GSE1: variants seen among roughly 807,000 people sequenced by gnomAD.
GSE1 encodes genetic suppressor element 1.
In GSE1, 32 loss-of-function variants were observed where a neutral mutation model predicts 112.6. That is an observed-to-expected ratio of 0.28 (90% CI 0.21 to 0.38). The LOEUF is 0.38. GSE1 is among the 10% of genes least tolerant of loss of function. The pLI is 1.00. For missense variants in GSE1, 2,348 were observed against 1,699.2 expected, an observed-to-expected ratio of 1.38 and a Z score of -6.71; for synonymous variants, 1,115 against 735.6, an observed-to-expected ratio of 1.52 and a Z score of -8.35.
chr16:85,193,358 G>C (rs1245808884), intron 1 of GSE1, among the ~76,000 whole-genome samples: 1 of 151,992 alleles, frequency 6.6e-6, no homozygotes, highest in African/African-American at 2.4e-5. Flanking sequence ...TTATTTTTTT[G>C]TAGAGGCAGG....
intron 2 of GSE1, among the ~76,000 whole-genome samples, chr16:85,396,584 G>A (rs1360964856): frequency 6.6e-6 from 1 of 152,266 alleles, no homozygotes; most frequent in Non-Finnish European, 1.5e-5. Flanking sequence ...AGCCATGGAG[G>A]AGAGCAGTTG....
intron 1 of GSE1, among the ~76,000 whole-genome samples, chr16:85,187,928 C>T (rs576454441): frequency 4.6e-5 from 7 of 152,348 alleles, no homozygotes; most frequent in African/African-American, 9.6e-5. Flanking sequence ...GTGCCCCTCA[C>T]GCTCAGGATA....
intron 1 of GSE1, among the ~76,000 whole-genome samples, chr16:85,259,506 C>A (rs368346254): frequency 8.4e-4 from 128 of 152,364 alleles, no homozygotes; most frequent in African/African-American, 3.0e-3. Flanking sequence ...GAGGCCCTCA[C>A]GGCCGGCTTG....
intron 1 of GSE1, among the ~76,000 whole-genome samples, chr16:85,256,119 T>A (rs1014841343): frequency 2.0e-5 from 3 of 151,984 alleles, no homozygotes; most frequent in African/African-American, 7.3e-5. Context: ...ACAGTGCCGG[T>A]TTTTCTGGTT....
intron 2 of GSE1, among the ~76,000 whole-genome samples, chr16:85,398,166 A>G (rs1008188748): frequency 1.3e-5 from 2 of 152,200 alleles, no homozygotes; most frequent in Non-Finnish European, 2.9e-5. Flanking sequence ...CTCATCTGCA[A>G]AATGGGCGTG....
chr16:85,525,412 T>A (rs955067090), intron 2 of GSE1, among the ~76,000 whole-genome samples: 2 of 152,186 alleles, frequency 1.3e-5, no homozygotes, highest in Non-Finnish European at 2.9e-5. Context: ...CTCCCCAGCG[T>A]TGGGGAAATC....
chr16:85,282,040 T>TTC (rs1347624043), intron 1 of GSE1, among the ~76,000 whole-genome samples: 6 of 151,738 alleles, frequency 4.0e-5, no homozygotes, highest in African/African-American at 1.5e-4. Context: ...TCTTTTTTTT[T>TTC]TTTTTGAGAC....
rs1347318006 is a variant in GSE1 at position 85,178,601 on chromosome 16, C to T, written c.2283+6794C>T. Among the ~76,000 whole-genome samples the T allele has an allele frequency of 4.6e-5, 7 of 152,104 alleles. No individual in the cohort carries two copies. In the South Asian group the frequency reaches 6.2e-4, roughly 14 times the overall value. Reference sequence around the variant, plus strand: ...CTGCTGACGGACGGCATCGTGGGCACAGCTGAGGAGTCTGGGATTTATCCT... The same window carrying T: ...CTGCTGACGGACGGCATCGTGGGCATAGCTGAGGAGTCTGGGATTTATCCT... On this transcript the variant is annotated intron_variant, in intron 1 of 2. Transcript: ENST00000637419.
intron 2 of GSE1, among the ~76,000 whole-genome samples, chr16:85,522,617 C>T (rs2052225424): frequency 6.6e-6 from 1 of 152,230 alleles, no homozygotes; most frequent in African/African-American, 2.4e-5. Flanking sequence ...GAAACTGAGT[C>T]ACCTGGCGGT....
chr16:85,184,443 C>A (rs1318014326), intron 1 of GSE1, among the ~76,000 whole-genome samples: 3 of 152,206 alleles, frequency 2.0e-5, no homozygotes, highest in Non-Finnish European at 4.4e-5. Flanking sequence ...CTCAGTGATG[C>A]CTGCTAAATT....
At chr16:85,557,254 C>A (rs965349543) in intron 1 of GSE1, among the ~76,000 whole-genome samples, 1 of 152,336 alleles carries the variant, frequency 6.6e-6, no homozygotes, top group Middle Eastern at 3.4e-3. Context: ...AACGCACAGG[C>A]CTGCCCCAGG....
chr16:85,354,104 G>T (rs569737035), intron 1 of GSE1, among the ~76,000 whole-genome samples: 1 of 152,144 alleles, frequency 6.6e-6, no homozygotes, highest in Non-Finnish European at 1.5e-5. Context: ...CAGGAAGCCC[G>T]TGCGGATTTC....
intron 1 of GSE1, among the ~76,000 whole-genome samples, chr16:85,620,891 C>T (rs1166070107): frequency 1.3e-5 from 2 of 151,622 alleles, no homozygotes; most frequent in South Asian, 2.1e-4. Flanking sequence ...TAGAGGGTCT[C>T]GGCCCTGGGT....
chr16:85,464,715 C>G (rs957350295), intron 2 of GSE1, among the ~76,000 whole-genome samples: 2 of 152,238 alleles, frequency 1.3e-5, no homozygotes, highest in Non-Finnish European at 2.9e-5. Context: ...CTCTGCCACA[C>G]CAACTCCCCT....
rs1355374925 is a variant in GSE1, at chr16:85,300,347, A to G, written c.2284-57116A>G. 6.6e-5 allele frequency among the ~76,000 whole-genome samples: 10 copies of G among 152,288 alleles called. No individual in the cohort carries two copies. The South Asian group carries it at 8.3e-4, about 13-fold the overall frequency. On this transcript the variant is annotated intron_variant, in intron 1 of 2. Coordinates refer to the GSE1 transcript ENST00000637419. Reference sequence around the variant, plus strand: ...ATTTTTAAGTATACACCTCAGCGACATTGAGTACATTTGCAGTGCCGTACA... The same window carrying G: ...ATTTTTAAGTATACACCTCAGCGACGTTGAGTACATTTGCAGTGCCGTACA...
intron 1 of GSE1, among the ~76,000 whole-genome samples, chr16:85,173,204 C>T (rs574730723): frequency 6.6e-5 from 10 of 152,322 alleles, no homozygotes; most frequent in South Asian, 6.2e-4. Flanking sequence ...CTTACCATGG[C>T]GCTGCGAGGC....
chr16:85,336,618 T>C (rs929646806), intron 1 of GSE1, among the ~76,000 whole-genome samples: 72 of 150,586 alleles, frequency 4.8e-4, no homozygotes, highest in African/African-American at 1.6e-3. Context: ...TTTTTTTTTT[T>C]CGAGTTGAAG....
chr16:85,657,452 G>T lies in GSE1; in HGVS notation c.1488G>T (p.Lys496Asn). The T allele has an allele frequency of 2.5e-6, 4 of 1,610,844 alleles. No individual in the cohort carries two copies. Among genetic ancestry groups the T allele is most frequent in the Non-Finnish European group, 3.4e-6 (4 of 1,178,470 alleles). ...LLIQRTNEEE[K>N]WLARQRRLRQ... ...TCCAGCGCACCAATGAGGAGGAGAA[G>T]TGGCTGGCGCGGCAGCGGCGGCTGC... Residue 496 changes from lysine (K) to asparagine (N), a missense_variant, in exon 8 of 16, where the codon AAG becomes AAT. Physicochemically the swap from Lys to Asn is moderately conservative, Grantham distance 94. Coordinates refer to ENST00000253458, the MANE Select transcript of GSE1 (RefSeq NM_014615.5).
chr16:85,294,789 G>A (rs947654308), intron 1 of GSE1, among the ~76,000 whole-genome samples: 1 of 151,692 alleles, frequency 6.6e-6, no homozygotes, highest in Admixed American at 6.6e-5. Flanking sequence ...ACCCCAAGGT[G>A]CAAGTCCAAA....
Sources: gnomAD v4.1 joint callset for allele counts (sites outside exome capture counted in the v4.1 genomes callset) on GRCh38, gnomAD v4.1.1 for gene constraint, MANE v1.5 for transcripts, NCBI Gene and HGNC (gene_info 2026-07-23, HGNC 2026-07-21) for gene names.